Variants in GPHN observed in about 807,000 individuals in gnomAD.
GPHN encodes gephyrin.
GPHN carries 17 observed loss-of-function variants against 95.5 expected under a neutral mutation model. The ratio of observed to expected loss-of-function variants is 0.18; its 90% confidence interval spans 0.12 to 0.27. The LOEUF (loss-of-function observed/expected upper bound fraction) is 0.27. GPHN is among the 10% of genes least tolerant of loss of function. The pLI is 1.00. For synonymous variants in GPHN, 320 were observed against 322.5 expected, an observed-to-expected ratio of 0.99 and a Z score of 0.08; for missense variants, 660 against 978.1, an observed-to-expected ratio of 0.67 and a Z score of 4.34.
intron 4 of GPHN, among the ~76,000 whole-genome samples, chr14:66,836,728 A>C (rs1249245367): frequency 7.9e-5 from 12 of 150,998 alleles, no homozygotes; most frequent in Admixed American, 3.9e-4. Flanking sequence ...ATCTACAATG[A>C]ACTCAAACAA....
intron 1 of GPHN, among the ~76,000 whole-genome samples, chr14:66,594,810 A>AG (rs544065208): frequency 2.2e-3 from 340 of 152,184 alleles, no homozygotes; most frequent in African/African-American, 7.7e-3. Context: ...AAGTACAAAT[A>AG]GACAAATAGG....
intron 1 of GPHN, among the ~76,000 whole-genome samples, chr14:66,610,870 A>AT (rs2062751294): frequency 6.6e-6 from 1 of 152,046 alleles, no homozygotes; most frequent in African/African-American, 2.4e-5. Flanking sequence ...ACCTAGAAGG[A>AT]TTTTTTTCTG....
the GPHN span, among the ~76,000 whole-genome samples, chr14:67,327,573 T>C: frequency 6.6e-6 from 1 of 152,104 alleles, no homozygotes; most frequent in Non-Finnish European, 1.5e-5. Flanking sequence ...ATGTGCCATG[T>C]TGGTGTGCTG....
At chr14:67,096,151 AT>A (rs2077383077) in intron 12 of GPHN, among the ~76,000 whole-genome samples, 1 of 152,080 alleles carries the variant, frequency 6.6e-6, no homozygotes, top group Non-Finnish European at 1.5e-5. Context: ...TGTTTGACTG[AT>A]TCTTCCTTAG....
chr14:67,252,384 G>T, the GPHN span, among the ~76,000 whole-genome samples: 5 of 152,018 alleles, frequency 3.3e-5, no homozygotes, highest in Non-Finnish European at 7.4e-5. Flanking sequence ...TAAACTCCTG[G>T]TCTCCAGCAG....
intron 5 of GPHN, among the ~76,000 whole-genome samples, chr14:66,895,429 G>T (rs189918463): frequency 6.6e-6 from 1 of 152,094 alleles, no homozygotes; most frequent in Non-Finnish European, 1.5e-5. Flanking sequence ...AATGGGTGCA[G>T]CAAACCAACA....
In GPHN at chr14:67,115,847, T is replaced by G. The variant is rs191912394; in HGVS notation, c.1626+2676T>G. 3.2e-3 allele frequency among the ~76,000 whole-genome samples: 481 copies of G among 152,304 alleles called. 3 individuals carry two copies. The highest frequency in any genetic ancestry group is 0.011 in the African/African-American group (450 of 41,570). On this transcript the variant is annotated intron_variant, in intron 16 of 22. Coordinates refer to ENST00000478722, the MANE Select transcript of GPHN (RefSeq NM_020806.5). ...GCAACCCAAAGAGTGCCGTACAAGA[T>G]GTCTATGTATACTCTAAAACTTGCC... is the stretch of plus-strand genomic sequence containing the variant.
chr14:66,879,115 C>T (rs916504158), intron 4 of GPHN, among the ~76,000 whole-genome samples: 1 of 151,842 alleles, frequency 6.6e-6, no homozygotes, highest in South Asian at 2.1e-4. Context: ...GAACAGAAAA[C>T]CAAACACTAC....
At chr14:67,439,569 C>CTT in the GPHN span, among the ~76,000 whole-genome samples, 1 of 138,708 alleles carries the variant, frequency 7.2e-6, no homozygotes, top group South Asian at 2.3e-4. Context: ...TTCTTTCTTT[C>CTT]TTTCTTTCTT....
the GPHN span, among the ~76,000 whole-genome samples, chr14:67,419,848 C>CAAAA: frequency 7.6e-6 from 1 of 131,860 alleles, no homozygotes; most frequent in Non-Finnish European, 1.6e-5. Context: ...GCCTCCGTCT[C>CAAAA]AAAAAAAAAA....
chr14:67,569,215 C>T, the GPHN span: 37 of 1,607,332 alleles, frequency 2.3e-5, no homozygotes, highest in Admixed American at 5.0e-5. Context: ...CTGCATGCTG[C>T]GGTGAGTTCC....
rs2082438971 is a variant in GPHN at position 67,168,976 on chromosome 14, G to T, written c.2019G>T (p.Val673=). ...TGGTCACCTGCAATCTCTTTGTTGT[G>T]CCTGCACTGAGGAAAATGCAGGGCA... ...SAVVTCNLFV[V]PALRKMQGIL... is the part of the protein sequence containing the mutation. The change falls in exon 21 of 23, where the codon GTG becomes GTT. Residue 673 remains valine, a synonymous_variant. Transcript: ENST00000478722. 1 of 1,613,534 alleles carries T rather than the reference G, an allele frequency of 6.2e-7. No individual in the cohort carries two copies. The highest frequency in any genetic ancestry group is 1.3e-5 in the African/African-American group (1 of 74,890).
the GPHN span, among the ~76,000 whole-genome samples, chr14:67,478,673 C>T: frequency 6.6e-6 from 1 of 152,218 alleles, no homozygotes; most frequent in Non-Finnish European, 1.5e-5. Flanking sequence ...TCCTGTCCTC[C>T]AGATCTCTAC....
At chr14:66,899,642 T>C (rs1197002343) in intron 5 of GPHN, among the ~76,000 whole-genome samples, 2 of 151,934 alleles carry the variant, frequency 1.3e-5, no homozygotes, top group African/African-American at 4.8e-5. Context: ...TATAGTTCTT[T>C]TTACTTATTC....
the GPHN span, among the ~76,000 whole-genome samples, chr14:67,362,781 T>G: frequency 1.3e-5 from 2 of 152,224 alleles, no homozygotes; most frequent in Non-Finnish European, 1.5e-5. Context: ...AGCATTTCAT[T>G]AGGCAATATG....
chr14:67,239,558 T>C, the GPHN span, among the ~76,000 whole-genome samples: 7 of 152,336 alleles, frequency 4.6e-5, no homozygotes, highest in Admixed American at 6.5e-5. Context: ...TTATGTTATA[T>C]ATTTAAGAAC....
chr14:67,302,044 T>A, the GPHN span: 4 of 1,610,506 alleles, frequency 2.5e-6, no homozygotes, highest in South Asian at 4.4e-5. Flanking sequence ...TGAGAGAGTT[T>A]ATGAAAGTAT....
chr14:66,621,248 T>C (rs534969073), intron 1 of GPHN, among the ~76,000 whole-genome samples: 2 of 151,096 alleles, frequency 1.3e-5, no homozygotes, highest in African/African-American at 4.9e-5. Flanking sequence ...GTGCTGGGAT[T>C]ACAGGCATGA....
chr14:67,129,501 A>G (rs780835299), intron 17 of GPHN, among the ~76,000 whole-genome samples: 27 of 152,180 alleles, frequency 1.8e-4, no homozygotes, highest in Non-Finnish European at 3.4e-4. Context: ...TAATGTCTAT[A>G]TTGACTTTGA....
Sources: allele counts gnomAD v4.1 joint callset (sites outside exome capture counted in the v4.1 genomes callset), GRCh38; gene constraint gnomAD v4.1.1; transcripts MANE v1.5; gene names NCBI Gene and HGNC (gene_info 2026-07-23, HGNC 2026-07-21).